The following PTPRQ variants were observed in gnomAD, a reference collection of about 807,000 sequenced individuals.
PTPRQ encodes phosphatidylinositol phosphatase PTPRQ.
A neutral mutation model predicts 246.0 loss-of-function variants in PTPRQ; 199 were observed. The ratio of observed to expected loss-of-function variants is 0.81; its 90% CI spans 0.72 to 0.91. PTPRQ has a LOEUF of 0.91. Among genes scored for constraint, PTPRQ ranks in the 40% least tolerant of loss-of-function variants. The pLI is 0.00. For missense variants in PTPRQ, 2,624 were observed against 2,528.4 expected, an observed-to-expected ratio of 1.04 and a Z score of -0.81; for synonymous variants, 869 against 853.2, an observed-to-expected ratio of 1.02 and a Z score of -0.32.
At chr12:80,589,512 A>C (rs1026942070) in intron 26 of PTPRQ, among the ~76,000 whole-genome samples, 1 of 152,206 alleles carries the variant, frequency 6.6e-6, no homozygotes, top group African/African-American at 2.4e-5. Flanking sequence ...CTACACACAC[A>C]CACATAGATT....
At chr12:80,561,239 G>T (rs1592656265) in intron 25 of PTPRQ, 2 of 152,214 alleles carry the variant, frequency 1.3e-5, no homozygotes, top group East Asian at 3.8e-4. Context: ...AAATTAGGTG[G>T]TGTGAGTACT....
At chr12:80,574,093 A>C (rs544924943) in intron 25 of PTPRQ, among the ~76,000 whole-genome samples, 273 of 152,312 alleles carry the variant, frequency 1.8e-3, no homozygotes, top group African/African-American at 5.8e-3. Flanking sequence ...TACCAAAAAC[A>C]TGCGTATTGT....
In PTPRQ at chr12:80,670,360, C is replaced by A; in HGVS notation, c.6470C>A (p.Thr2157Asn). 6.4e-7 allele frequency: 1 copy of A among 1,550,804 alleles called. No individual in the cohort carries two copies. The highest frequency in any genetic ancestry group is 8.7e-7 in the Non-Finnish European group (1 of 1,146,448). ...TTTGTCTAGCATGGGGATTGCATGA[C>A]TGTTCGACAGTGTAACTTTACTGCC... Reference protein sequence around the residue: ...LKIERHGDCMTVRQCNFTAWP... With the variant: ...LKIERHGDCMNVRQCNFTAWP... Residue 2157 changes from threonine to asparagine, a missense_variant, in exon 42 of 45, where the codon ACT becomes AAT. By Grantham distance (65) the Thr-to-Asn change is moderately conservative (BLOSUM62 0). Transcript: ENST00000644991.
intron 26 of PTPRQ, among the ~76,000 whole-genome samples, chr12:80,595,244 C>G (rs991139074): frequency 2.0e-5 from 3 of 152,060 alleles, no homozygotes; most frequent in African/African-American, 7.2e-5. Flanking sequence ...CTCTCTCTTT[C>G]TTTAGTGGGG....
intron 26 of PTPRQ, among the ~76,000 whole-genome samples, chr12:80,589,858 A>C (rs753461669): frequency 6.6e-6 from 1 of 152,124 alleles, no homozygotes; most frequent in African/African-American, 2.4e-5. Flanking sequence ...TCAGCAAATA[A>C]TTGTTTTTTA....
chr12:80,625,190 T>TG lies in PTPRQ; in HGVS notation c.5686+3057dup, dbSNP rs143650614. 5.9e-3 allele frequency among the ~76,000 whole-genome samples: 903 copies of TG among 152,318 alleles called. 10 individuals carry two copies. Among genetic ancestry groups the TG allele is most frequent in the African/African-American group, 0.02 (847 of 41,556 alleles). Reference sequence around the variant, plus strand: ...AAGTGCATTCATATAATACCCCTGGTGTCATCAGAAGATGACAAAGGGTGA... The same window carrying TG: ...AAGTGCATTCATATAATACCCCTGGTGGTCATCAGAAGATGACAAAGGGTGA... On this transcript the variant is annotated intron_variant, in intron 33 of 44. Transcript: ENST00000644991.
At chr12:80,578,023 A>G (rs557919110) in intron 25 of PTPRQ, among the ~76,000 whole-genome samples, 3 of 150,876 alleles carry the variant, frequency 2.0e-5, no homozygotes, top group African/African-American at 7.4e-5. Context: ...CTACGTACTC[A>G]GAGTGACGTT....
chr12:80,544,755 T>C (rs1896254919), intron 23 of PTPRQ, among the ~76,000 whole-genome samples: 1 of 152,134 alleles, frequency 6.6e-6, no homozygotes, highest in Non-Finnish European at 1.5e-5. Context: ...TACCCTGATA[T>C]CCTGACAGTA....
At chr12:80,562,716 GC>G (rs1346528958) in intron 25 of PTPRQ, among the ~76,000 whole-genome samples, 6 of 151,948 alleles carry the variant, frequency 3.9e-5, no homozygotes, top group African/African-American at 1.4e-4. Context: ...ACAAAAGAAA[GC>G]CTAGAGATAG....
intron 25 of PTPRQ, among the ~76,000 whole-genome samples, chr12:80,579,880 AT>A (rs972334958): frequency 6.6e-6 from 1 of 152,150 alleles, no homozygotes; most frequent in African/African-American, 2.4e-5. Context: ...ATAATTTTGT[AT>A]GTTTTATAAA....
At chr12:80,563,062 T>C (rs1592658697) in intron 25 of PTPRQ, among the ~76,000 whole-genome samples, 1 of 152,234 alleles carries the variant, frequency 6.6e-6, no homozygotes, top group East Asian at 1.9e-4. Flanking sequence ...AATAGGTAAT[T>C]TGAATATTTT....
intron 19 of PTPRQ, among the ~76,000 whole-genome samples, chr12:80,538,833 C>T (rs1042063778): frequency 6.6e-6 from 1 of 152,014 alleles, no homozygotes; most frequent in Non-Finnish European, 1.5e-5. Context: ...ATCTAATCCT[C>T]ACAAGTTGTC....
intron 25 of PTPRQ, chr12:80,561,107 T>G (rs535940977): frequency 2.6e-5 from 4 of 152,396 alleles, no homozygotes; most frequent in Admixed American, 2.6e-4. Context: ...TAGTTTGACG[T>G]TGAGAATTTG....
intron 35 of PTPRQ, among the ~76,000 whole-genome samples, chr12:80,638,821 G>A (rs1899752347): frequency 6.6e-6 from 1 of 152,106 alleles, no homozygotes; most frequent in Non-Finnish European, 1.5e-5. Context: ...CAATTTGAAT[G>A]ATAATTATAT....
At chr12:80,497,373 A>T (rs5005026) in intron 14 of PTPRQ, among the ~76,000 whole-genome samples, 129,223 of 151,818 alleles carry the variant, frequency 0.85, 55,859 homozygotes, top group Non-Finnish European at 0.93. Context: ...TTTGCGCTCC[A>T]ATGAAAATCT....
chr12:80,552,679 ATATATATATATAT>A (rs1896520551), intron 25 of PTPRQ, among the ~76,000 whole-genome samples: 1 of 120,940 alleles, frequency 8.3e-6, no homozygotes, highest in Admixed American at 8.1e-5. Context: ...ATATATATAT[ATATATATATATAT>A]ATTTGGAAAT....
chr12:80,526,874 G>GA (rs1313568065), intron 17 of PTPRQ, among the ~76,000 whole-genome samples: 1 of 151,564 alleles, frequency 6.6e-6, no homozygotes, highest in Non-Finnish European at 1.5e-5. Flanking sequence ...AACTATTGAA[G>GA]AAAAAATGAA....
intron 26 of PTPRQ, among the ~76,000 whole-genome samples, chr12:80,591,485 C>T (rs1345918913): frequency 6.6e-6 from 1 of 151,928 alleles, no homozygotes; most frequent in Non-Finnish European, 1.5e-5. Flanking sequence ...ATAAATATTC[C>T]CTGAATGAGA....
chr12:80,460,904 T>C lies in PTPRQ; in HGVS notation c.910+2T>C, dbSNP rs1171987198. 1 of 400,590 alleles carries C rather than the reference T, an allele frequency of 2.5e-6. No individual in the cohort carries two copies. Among genetic ancestry groups the C allele is most frequent in the Non-Finnish European group, 4.4e-6 (1 of 226,192 alleles). The allele number at this position is 400,590 out of a possible 1,614,324, so 24.8% of individuals were successfully genotyped here. On this transcript the variant is annotated splice_donor_variant, in intron 6 of 44. Coordinates refer to ENST00000644991, the MANE Select transcript of PTPRQ (RefSeq NM_001145026.2). LOFTEE classifies it high-confidence loss of function. ...CGATTGTCAGAACACCAGAATCAGG[T>C]ATGGTTCACTTTTTGTAGATAAAAA...
Sources: gnomAD v4.1 joint callset for allele counts (sites outside exome capture counted in the v4.1 genomes callset) on GRCh38, gnomAD v4.1.1 for gene constraint, MANE v1.5 for transcripts, NCBI Gene and HGNC (gene_info 2026-07-23, HGNC 2026-07-21) for gene names.